Variants in LRRC75A observed in about 807,000 individuals in gnomAD.
The protein encoded by LRRC75A is leucine-rich repeat-containing protein 75A.
A neutral mutation model predicts 26.0 loss-of-function variants in LRRC75A; 12 were observed. The observed-to-expected ratio is 0.46, with a 90% CI of 0.30 to 0.75. LRRC75A has a LOEUF of 0.75. Among genes scored for constraint, LRRC75A ranks in the 30% least tolerant of loss-of-function variants. The probability of loss-of-function intolerance (pLI) is 0.08; values close to 1 mark genes in which losing one functional copy is unlikely to be tolerated. For missense variants in LRRC75A, 410 were observed against 486.6 expected (o/e 0.84, Z 1.48); for synonymous variants, 223 against 219.3 (o/e 1.02, Z -0.15).
chr17:16,480,744 C>G (rs2093832120), intron 1 of LRRC75A, among the ~76,000 whole-genome samples: 1 of 152,158 alleles, frequency 6.6e-6, no homozygotes, highest in Non-Finnish European at 1.5e-5. Context: ...ATCTCCTTCT[C>G]CTGCTACAGG....
At position 16,443,514 on chromosome 17, in the gene LRRC75A, A is replaced by G. The variant is rs146757408; in HGVS notation, c.*74T>C. ...CAATATCCTTAACCCACCTGATAGG[A>G]GAAGCGCCCTCCCCTGCCTGCCTTG... On this transcript the variant is annotated 3_prime_UTR_variant, in exon 4 of 4. Coordinates refer to ENST00000470794, the MANE Select transcript of LRRC75A (RefSeq NM_001113567.3). 1.6e-4 allele frequency: 219 copies of G among 1,363,590 alleles called. 1 individual carries two copies. The highest frequency in any genetic ancestry group is 7.7e-4 in the Middle Eastern group (3 of 3,872). 84.5% of individuals were successfully genotyped at this position (1,363,590 alleles called of 1,614,324 possible).
intron 1 of LRRC75A, among the ~76,000 whole-genome samples, chr17:16,489,323 T>C (rs1433411857): frequency 3.9e-5 from 6 of 152,162 alleles, no homozygotes; most frequent in Admixed American, 6.5e-5. Context: ...TGCCTGCTCA[T>C]TGACTCCCAC....
At chr17:16,480,155 G>A (rs1285083903) in intron 1 of LRRC75A, among the ~76,000 whole-genome samples, 1 of 152,188 alleles carries the variant, frequency 6.6e-6, no homozygotes, top group Non-Finnish European at 1.5e-5. Context: ...AAGAAGCTCA[G>A]CGCCCTCACT....
At chr17:16,452,129 A>G (rs868763275) in intron 2 of LRRC75A, among the ~76,000 whole-genome samples, 1 of 144,508 alleles carries the variant, frequency 6.9e-6, no homozygotes, top group Non-Finnish European at 1.5e-5. Context: ...AGGCAGGAGG[A>G]TCACTTGACC....
At position 16,449,783 on chromosome 17, in the gene LRRC75A, G is replaced by C. The variant is rs112814595; in HGVS notation, c.376-1823C>G. On this transcript the variant is annotated intron_variant, in intron 2 of 3. Coordinates refer to ENST00000470794, the MANE Select transcript of LRRC75A (RefSeq NM_001113567.3). ...AGGCACCCGCCATCACACCTGGCTA[G>C]TTTTTGTATTTTTAGTAGAGATGGG... Among the ~76,000 whole-genome samples the C allele has an allele frequency of 7.5e-3, 1,147 of 152,160 alleles. 14 individuals carry two copies. Among genetic ancestry groups the C allele is most frequent in the African/African-American group, 0.027 (1,114 of 41,518 alleles).
At chr17:16,456,454 GAAGAAGAGGAGAAGGAGA>G in intron 2 of LRRC75A, among the ~76,000 whole-genome samples, 1 of 146,436 alleles carries the variant, frequency 6.8e-6, no homozygotes, top group East Asian at 2.0e-4. Flanking sequence ...GGAGGAAGAG[GAAGAAGAGGAGAAGGAGA>G]AAGAAGAGGA....
chr17:16,449,365 ATTGC>A (rs2093612610), intron 2 of LRRC75A, among the ~76,000 whole-genome samples: 1 of 152,188 alleles, frequency 6.6e-6, no homozygotes, highest in African/African-American at 2.4e-5. Context: ...GCCTTGGACA[ATTGC>A]TTGACTTCTC....
intron 3 of LRRC75A, among the ~76,000 whole-genome samples, chr17:16,446,074 A>C (rs1015118032): frequency 6.6e-6 from 1 of 152,098 alleles, no homozygotes; most frequent in African/African-American, 2.4e-5. Flanking sequence ...ATGCCCAGCT[A>C]ATTTTTTTAT....
Position 16,443,203 on chromosome 17 carries a change from TG to T in LRRC75A, c.*384del. 4.8e-6 allele frequency: 1 copy of T among 206,974 alleles called. No homozygotes were observed. The highest frequency in any genetic ancestry group is 9.7e-6 in the Non-Finnish European group (1 of 103,322). 12.8% of individuals were successfully genotyped at this position (206,974 alleles called of 1,614,324 possible). A position where few individuals can be genotyped will look rare whatever the true frequency, so the allele number is the denominator to read the frequency against. On this transcript the variant is annotated 3_prime_UTR_variant, in exon 4 of 4. Transcript: ENST00000470794. The stretch of plus-strand genomic sequence containing the variant: ...TAAATGAAAAATGTAATGCAGTACA[TG>T]TAGGGGCCCTACTGTATTCTTTTTC...
chr17:16,470,037 G>C (rs2093798334), intron 1 of LRRC75A, among the ~76,000 whole-genome samples: 1 of 152,148 alleles, frequency 6.6e-6, no homozygotes. Flanking sequence ...TGTCTTTCTT[G>C]GCCCTGCTCC....
chr17:16,485,681 T>TGTGTGTGTGTGTGTGTGTGTGTGTTC (rs748088509), intron 1 of LRRC75A, among the ~76,000 whole-genome samples: 54 of 135,504 alleles, frequency 4.0e-4, no homozygotes, highest in African/African-American at 1.4e-3. Context: ...CGTGTGTGTG[T>TGTGTGTGTGTGTGTGTGTGTGTGTTC]GTGTGTGTGT....
chr17:16,490,555 T>G (rs2093855152), intron 1 of LRRC75A, among the ~76,000 whole-genome samples: 1 of 152,046 alleles, frequency 6.6e-6, no homozygotes, highest in African/African-American at 2.4e-5. Context: ...TGCCTCTCCC[T>G]GTGCAGTGCA....
At chr17:16,464,593 G>C (rs1378931357) in intron 1 of LRRC75A, among the ~76,000 whole-genome samples, 5 of 152,186 alleles carry the variant, frequency 3.3e-5, no homozygotes, top group African/African-American at 4.8e-5. Context: ...TCCCTGGAAG[G>C]CCCGTCCTCA....
In LRRC75A at chr17:16,492,132, G is replaced by A. The variant is rs1002890334; in HGVS notation, c.-142C>T. On this transcript the variant is annotated 5_prime_UTR_variant, in exon 1 of 4. Transcript: ENST00000470794. ...TGTTGCGCGCGGGCGTCGCGGGGGC[G>A]GGCGGGCGGGCGGCTGTCGGCGCTC... 126 of 643,494 alleles carry A rather than the reference G, an allele frequency of 2.0e-4. No individual in the cohort carries two copies. In the African/African-American group the frequency reaches 2.4e-3, roughly 12 times the overall value. The allele number at this position is 643,494 out of a possible 1,614,324, so 39.9% of individuals were successfully genotyped here.
intron 1 of LRRC75A, among the ~76,000 whole-genome samples, chr17:16,472,649 T>C (rs962952893): frequency 2.0e-5 from 3 of 152,224 alleles, no homozygotes; most frequent in Non-Finnish European, 4.4e-5. Context: ...ACATTTGTCA[T>C]GTTAAGGAGA....
Position 16,462,142 on chromosome 17 carries a change from G to A in LRRC75A, c.375+116C>T. The A allele has an allele frequency of 7.5e-7, 1 of 1,330,616 alleles. No homozygotes were observed. Among genetic ancestry groups the A allele is most frequent in the Non-Finnish European group, 1.0e-6 (1 of 971,960 alleles). The allele number at this position is 1,330,616 out of a possible 1,614,324, so 82.4% of individuals were successfully genotyped here. ...TCAAGCTCTTGGTGCCTGGAGGACG[G>A]GCTTGTCCTCCTTGGGCCTGTCTGC... On this transcript the variant is annotated intron_variant, in intron 2 of 3. Coordinates refer to ENST00000470794, the MANE Select transcript of LRRC75A (RefSeq NM_001113567.3). This position sits in a 1 kb window ranked among gnomAD's most constrained non-coding sequence, Gnocchi z 4.6.
chr17:16,458,759 C>G lies in LRRC75A; in HGVS notation c.375+3499G>C, dbSNP rs1279454838. ...GGTGGCCTCCCAAAGGTGTGAGCCA[C>G]CGAGACTGGCAGACCTGCCAACTTC... On this transcript the variant is annotated intron_variant, in intron 2 of 3. Coordinates refer to ENST00000470794, the MANE Select transcript of LRRC75A (RefSeq NM_001113567.3). 3.3e-5 allele frequency among the ~76,000 whole-genome samples: 5 copies of G among 152,190 alleles called. No individual in the cohort carries two copies. In the East Asian group the frequency reaches 9.7e-4, roughly 29 times the overall value.
chr17:16,467,790 C>T (rs1416819453), intron 1 of LRRC75A, among the ~76,000 whole-genome samples: 1 of 152,194 alleles, frequency 6.6e-6, no homozygotes, highest in Non-Finnish European at 1.5e-5. Context: ...CTGTCCTCTT[C>T]CTGGGAATAT....
In LRRC75A at chr17:16,491,862, G is replaced by A; in HGVS notation, c.129C>T (p.Arg43=). The A allele has an allele frequency of 7.2e-7, 1 of 1,388,948 alleles. No homozygotes were observed. Among genetic ancestry groups the A allele is most frequent in the Non-Finnish European group, 9.4e-7 (1 of 1,067,228 alleles). The allele number at this position is 1,388,948 out of a possible 1,614,324, so 86.0% of individuals were successfully genotyped here. The change falls in exon 1 of 4, where the codon CGC becomes CGT. Residue 43 remains arginine, a synonymous_variant. Transcript: ENST00000470794. This position sits in a 1 kb window ranked among gnomAD's most constrained non-coding sequence, Gnocchi z 5.9. ...LLLRAGDKAG[R]AGAGMPPYHR... ...GGTAGGGGGGCATCCCCGCGCCCGC[G>A]CGCCCCGCCTTGTCCCCGGCGCGCA...
Sources: allele counts gnomAD v4.1 joint callset (sites outside exome capture counted in the v4.1 genomes callset), GRCh38; gene constraint gnomAD v4.1.1; non-coding constraint Gnocchi (gnomAD v3.1); transcripts MANE v1.5; gene names NCBI Gene and HGNC (gene_info 2026-07-23, HGNC 2026-07-21).